The following CFAP299 variants were observed in gnomAD, a reference collection of about 807,000 sequenced individuals.
CFAP299 encodes the protein cilia- and flagella-associated protein 299.
A neutral mutation model predicts 27.0 loss-of-function variants in CFAP299; 21 were observed. The observed-to-expected ratio is 0.78, with a 90% CI of 0.55 to 1.12. The LOEUF is 1.12. Among genes scored for constraint, CFAP299 ranks in the 50% most tolerant of loss-of-function variants. The pLI is 0.00. For missense variants in CFAP299, 310 were observed against 276.6 expected (o/e 1.12, Z -0.86); for synonymous variants, 104 against 98.1 (o/e 1.06, Z -0.36).
chr4:80,903,036 T>A (rs1490627151), intron 4 of CFAP299, among the ~76,000 whole-genome samples: 1 of 152,140 alleles, frequency 6.6e-6, no homozygotes, highest in East Asian at 1.9e-4. Flanking sequence ...TTCTTAGAAA[T>A]CTTCAATCAA....
intron 2 of CFAP299, among the ~76,000 whole-genome samples, chr4:80,460,903 A>C (rs1729405652): frequency 6.6e-6 from 1 of 152,222 alleles, no homozygotes; most frequent in Non-Finnish European, 1.5e-5. Flanking sequence ...GCCCCAGGAA[A>C]TCCTGACAAT....
intron 3 of CFAP299, among the ~76,000 whole-genome samples, chr4:80,766,866 T>C (rs955314850): frequency 5.9e-5 from 9 of 152,220 alleles, no homozygotes; most frequent in African/African-American, 2.2e-4. Context: ...ATCTTAAGTA[T>C]AGAGAGTCAA....
rs186493605 is a variant in CFAP299 at position 80,842,027 on chromosome 4, C to T, written c.334-27966C>T. ...ACTGAATATCCCTTGCATGTCTGCT[C>T]AGTACCTATAGTGAAACCTTACCGC... On this transcript the variant is annotated intron_variant, in intron 3 of 5. Transcript: ENST00000358105. Among the ~76,000 whole-genome samples the T allele has an allele frequency of 3.2e-3, 489 of 152,206 alleles. 4 individuals carry two copies. Among genetic ancestry groups the T allele is most frequent in the African/African-American group, 0.011 (469 of 41,568 alleles).
chr4:80,537,465 G>C (rs1733799498), intron 2 of CFAP299, among the ~76,000 whole-genome samples: 1 of 152,030 alleles, frequency 6.6e-6, no homozygotes, highest in Admixed American at 6.6e-5. Flanking sequence ...AATAAATAAA[G>C]AAAATGTGGT....
chr4:80,389,377 C>G (rs1217016971), intron 2 of CFAP299, among the ~76,000 whole-genome samples: 1 of 152,124 alleles, frequency 6.6e-6, no homozygotes, highest in African/African-American at 2.4e-5. Flanking sequence ...TTTTAAGAGT[C>G]TAAGGATTTA....
intron 3 of CFAP299, among the ~76,000 whole-genome samples, chr4:80,746,148 T>C (rs904763297): frequency 3.3e-5 from 5 of 151,982 alleles, no homozygotes; most frequent in Admixed American, 3.3e-4. Flanking sequence ...TTCAACCACT[T>C]ATTAAATTTT....
At chr4:80,676,105 A>C (rs1719436673) in intron 3 of CFAP299, among the ~76,000 whole-genome samples, 1 of 152,140 alleles carries the variant, frequency 6.6e-6, no homozygotes, top group South Asian at 2.1e-4. Context: ...TGCAGAAATC[A>C]CTGTCTTCTG....
intron 3 of CFAP299, among the ~76,000 whole-genome samples, chr4:80,799,936 T>TATATTATATAA (rs1178966253): frequency 2.2e-5 from 1 of 45,832 alleles, no homozygotes; most frequent in Non-Finnish European, 3.6e-5. Context: ...ATTTATATAT[T>TATATTATATAA]ATATTATATA....
chr4:80,625,941 G>A lies in CFAP299; in HGVS notation c.333+42758G>A, dbSNP rs558784973. ...TAGATTGCCATATAATAAATTTAGG[G>A]GAGTTAAACACCCCACTTCTGGAAA... is the stretch of plus-strand genomic sequence containing the variant. On this transcript the variant is annotated intron_variant, in intron 3 of 5. Transcript: ENST00000358105. Among the ~76,000 whole-genome samples, 11 of 151,906 alleles carry A rather than the reference G, an allele frequency of 7.2e-5. No homozygotes were observed. In the South Asian group the frequency reaches 8.3e-4, roughly 11 times the overall value.
intron 5 of CFAP299, among the ~76,000 whole-genome samples, chr4:80,961,624 G>A (rs1052873156): frequency 2.6e-5 from 4 of 151,680 alleles, no homozygotes; most frequent in Admixed American, 1.3e-4. Context: ...AAGAGATAAA[G>A]GTCTTTCTAA....
intron 3 of CFAP299, among the ~76,000 whole-genome samples, chr4:80,621,361 C>T (rs747641294): frequency 6.6e-6 from 1 of 152,020 alleles, no homozygotes; most frequent in African/African-American, 2.4e-5. Context: ...AACTCTCTAC[C>T]AATAGTTACA....
chr4:80,821,131 G>A (rs1483903770), intron 3 of CFAP299, among the ~76,000 whole-genome samples: 7 of 152,166 alleles, frequency 4.6e-5, no homozygotes, highest in Non-Finnish European at 1.0e-4. Context: ...GATCCCTTCA[G>A]TAGAAATTGT....
intron 3 of CFAP299, among the ~76,000 whole-genome samples, chr4:80,766,709 CAAACA>C (rs761784627): frequency 6.6e-5 from 10 of 151,822 alleles, no homozygotes; most frequent in African/African-American, 1.2e-4. Flanking sequence ...AACAAATAAA[CAAACA>C]AAACAAAACA....
intron 3 of CFAP299, among the ~76,000 whole-genome samples, chr4:80,849,518 C>T (rs1055709906): frequency 6.6e-6 from 1 of 152,124 alleles, no homozygotes; most frequent in Non-Finnish European, 1.5e-5. Flanking sequence ...TTTCTGAGGG[C>T]ATATTCCCAG....
chr4:80,554,275 G>A lies in CFAP299; in HGVS notation c.243-28818G>A, dbSNP rs1051149417. Among the ~76,000 whole-genome samples the A allele has an allele frequency of 2.6e-5, 4 of 151,910 alleles. No homozygotes were observed. The East Asian group carries it at 5.8e-4, about 22-fold the overall frequency. ...TTTCCCCATTGCTTATTTTTGTCAG[G>A]TTTTCCAAAGATCAGATTGTCATAG... On this transcript the variant is annotated intron_variant, in intron 2 of 5. Transcript: ENST00000358105.
At chr4:80,393,426 A>G (rs150192184) in intron 2 of CFAP299, among the ~76,000 whole-genome samples, 8 of 151,840 alleles carry the variant, frequency 5.3e-5, no homozygotes, top group African/African-American at 1.9e-4. Context: ...AGGCTTTCAC[A>G]TTCACTCACC....
chr4:80,830,725 G>C (rs959792697), intron 3 of CFAP299, among the ~76,000 whole-genome samples: 1 of 152,042 alleles, frequency 6.6e-6, no homozygotes, highest in African/African-American at 2.4e-5. Context: ...TTGACTAATT[G>C]TGTTAATCCA....
intron 2 of CFAP299, among the ~76,000 whole-genome samples, chr4:80,513,196 G>C (rs538361767): frequency 6.6e-6 from 1 of 152,194 alleles, no homozygotes; most frequent in South Asian, 2.1e-4. Context: ...GATTGATAAA[G>C]CATATGCATA....
chr4:80,697,314 TTATTTTATAGGTTTAAACC>T (rs146260573), intron 3 of CFAP299, among the ~76,000 whole-genome samples: 10,512 of 152,184 alleles, frequency 0.069, 812 homozygotes, highest in African/African-American at 0.18. Context: ...TTAACCTATC[TTATTTTATAGGTTTAAACC>T]TATTTTATAG....
Sources: gnomAD v4.1 joint callset for allele counts (sites outside exome capture counted in the v4.1 genomes callset) on GRCh38, gnomAD v4.1.1 for gene constraint, MANE v1.5 for transcripts, NCBI Gene and HGNC (gene_info 2026-07-23, HGNC 2026-07-21) for gene names.